KCNIP1: variants seen among roughly 807,000 people sequenced by gnomAD.
KCNIP1 encodes the protein A-type potassium channel modulatory protein KCNIP1.
KCNIP1 carries 18 observed loss-of-function variants against 33.0 expected under a neutral mutation model. That is an observed-to-expected ratio of 0.55 (90% CI 0.38 to 0.81). KCNIP1 has a LOEUF of 0.81. Ranked by LOEUF, KCNIP1 falls within the 30% of genes least tolerant of loss-of-function variation. The probability of loss-of-function intolerance (pLI) is 0.00; values close to 1 mark genes in which losing one functional copy is unlikely to be tolerated. For missense variants in KCNIP1, 238 were observed against 271.6 expected, an observed-to-expected ratio of 0.88 and a Z score of 0.87; for synonymous variants, 93 against 98.3, an observed-to-expected ratio of 0.95 and a Z score of 0.32.
Position 170,418,996 on chromosome 5 carries a change from T to C in KCNIP1, c.88+65032T>C, listed in dbSNP as rs1432708582. Among the ~76,000 whole-genome samples, 3 of 152,270 alleles carry C rather than the reference T, an allele frequency of 2.0e-5. No individual in the cohort carries two copies. In the East Asian group the frequency reaches 5.8e-4, roughly 29 times the overall value. ...AAGACGATATTTTCTTTGAGGGCAG[T>C]AACCTTTCTTATATGTCTCTGTATC... On this transcript the variant is annotated intron_variant, in intron 1 of 7. Coordinates refer to the KCNIP1 transcript ENST00000377360.
chr5:170,496,441 G>A (rs1757312502), intron 1 of KCNIP1, among the ~76,000 whole-genome samples: 1 of 152,160 alleles, frequency 6.6e-6, no homozygotes, highest in African/African-American at 2.4e-5. Flanking sequence ...GTGACTTCAG[G>A]AAGGTTGCTT....
At chr5:170,730,277 A>G (rs1324296183) in intron 5 of KCNIP1, among the ~76,000 whole-genome samples, 1 of 152,228 alleles carries the variant, frequency 6.6e-6, no homozygotes, top group Non-Finnish European at 1.5e-5. Context: ...TCATTATTCC[A>G]TCACTGAATA....
intron 1 of KCNIP1, among the ~76,000 whole-genome samples, chr5:170,460,004 G>T (rs1223491200): frequency 2.0e-5 from 3 of 152,144 alleles, no homozygotes; most frequent in Non-Finnish European, 2.9e-5. Flanking sequence ...TGAAATGGGA[G>T]ACATTGCAAC....
At chr5:170,658,416 A>C (rs962483756) in intron 1 of KCNIP1, among the ~76,000 whole-genome samples, 19 of 152,192 alleles carry the variant, frequency 1.2e-4, no homozygotes, top group African/African-American at 4.3e-4. Flanking sequence ...TAATCCATTA[A>C]TTCATTCACC....
intron 1 of KCNIP1, among the ~76,000 whole-genome samples, chr5:170,664,911 A>C (rs1037559998): frequency 6.6e-6 from 1 of 152,110 alleles, no homozygotes; most frequent in Non-Finnish European, 1.5e-5. Context: ...CCATGGTAAA[A>C]TTTAGTTGAC....
chr5:170,530,520 C>T (rs1755750418), intron 1 of KCNIP1, among the ~76,000 whole-genome samples: 4 of 152,234 alleles, frequency 2.6e-5, no homozygotes, highest in African/African-American at 9.6e-5. Context: ...ATCTGCCTCT[C>T]ATACCCAGGG....
At chr5:170,707,036 C>A (rs1763277825) in intron 1 of KCNIP1, among the ~76,000 whole-genome samples, 2 of 152,070 alleles carry the variant, frequency 1.3e-5, no homozygotes, top group African/African-American at 2.4e-5. Context: ...TCCACTGCCA[C>A]CTGAATTAGA....
chr5:170,602,996 C>T (rs564604906), intron 1 of KCNIP1, among the ~76,000 whole-genome samples: 9 of 152,278 alleles, frequency 5.9e-5, no homozygotes, highest in Middle Eastern at 3.4e-3. Context: ...AGAGAAGTCC[C>T]GGGTGCCCCC....
At chr5:170,450,111 G>T (rs1309099899) in intron 1 of KCNIP1, among the ~76,000 whole-genome samples, 6 of 140,652 alleles carry the variant, frequency 4.3e-5, no homozygotes, top group Non-Finnish European at 9.2e-5. Context: ...AGGATCGCCC[G>T]ACCCCCCACC....
At chr5:170,597,922 G>A (rs534045054) in intron 1 of KCNIP1, among the ~76,000 whole-genome samples, 1 of 151,856 alleles carries the variant, frequency 6.6e-6, no homozygotes, top group South Asian at 2.1e-4. Context: ...CACCGAATCC[G>A]ATTTCAAAAG....
intron 1 of KCNIP1, among the ~76,000 whole-genome samples, chr5:170,611,808 G>A (rs571326315): frequency 1.3e-5 from 2 of 152,344 alleles, no homozygotes; most frequent in African/African-American, 4.8e-5. Context: ...AGGCAGTGGG[G>A]CTGGGAAGGA....
chr5:170,378,619 G>T, intron 1 of KCNIP1: 1 of 1,371,376 alleles, frequency 7.3e-7, no homozygotes, highest in Non-Finnish European at 1.0e-6. Flanking sequence ...GGTGGAGAAG[G>T]CATTGTGCTG....
At chr5:170,676,168 AGAAGGAAGG>A (rs1762132457) in intron 1 of KCNIP1, among the ~76,000 whole-genome samples, 2 of 109,216 alleles carry the variant, frequency 1.8e-5, no homozygotes, top group Non-Finnish European at 3.9e-5. Flanking sequence ...AGGGAGGGAA[AGAAGGAAGG>A]AAAGGAAAGG....
rs557796779 is a variant in KCNIP1 at position 170,621,907 on chromosome 5, C to T, written c.62-96851C>T. ...AGAGATGGAACGACGAAGACCAAAA[C>T]CTCTGTCCTCAAGCTGCTCATAAGC... On this transcript the variant is annotated intron_variant, in intron 1 of 7. Transcript: ENST00000328939. Among the ~76,000 whole-genome samples the T allele has an allele frequency of 7.9e-5, 12 of 152,304 alleles. No individual in the cohort carries two copies. The South Asian group carries it at 2.5e-3, about 32-fold the overall frequency.
In KCNIP1 at chr5:170,718,888, AC is replaced by A. The variant is rs1359370323; in HGVS notation, c.186+9del. Reference sequence around the variant, plus strand: ...TTTATCGAGGCTTCAAAAATGTAAGACCCGTGCACGCTCTGAAGGCCTGGGG... The same window carrying A: ...TTTATCGAGGCTTCAAAAATGTAAGACCGTGCACGCTCTGAAGGCCTGGGG... On this transcript the variant is annotated splice_region_variant and intron_variant, in intron 2 of 7. Transcript: ENST00000328939. The A allele has an allele frequency of 1.2e-6, 2 of 1,607,412 alleles. No individual in the cohort carries two copies. The highest frequency in any genetic ancestry group is 2.7e-5 in the African/African-American group (2 of 74,014).
intron 1 of KCNIP1, among the ~76,000 whole-genome samples, chr5:170,536,418 C>T (rs2113364448): frequency 6.6e-6 from 1 of 152,206 alleles, no homozygotes; most frequent in East Asian, 1.9e-4. Context: ...CGGGCAGAAC[C>T]TTGTCCCACC....
At chr5:170,641,275 T>A (rs1240215808) in intron 1 of KCNIP1, among the ~76,000 whole-genome samples, 1 of 152,200 alleles carries the variant, frequency 6.6e-6, no homozygotes, top group African/African-American at 2.4e-5. Flanking sequence ...CCCAGGCTAT[T>A]GACTTGTTCA....
intron 1 of KCNIP1, among the ~76,000 whole-genome samples, chr5:170,452,947 G>C (rs934491999): frequency 1.3e-5 from 2 of 152,084 alleles, no homozygotes; most frequent in African/African-American, 4.8e-5. Context: ...AAAATGAAGG[G>C]GGAAAAATCT....
At chr5:170,723,218 G>C (rs1052058704) in intron 5 of KCNIP1, among the ~76,000 whole-genome samples, 3 of 152,194 alleles carry the variant, frequency 2.0e-5, no homozygotes, top group Admixed American at 6.5e-5. Context: ...AGATTTTTAA[G>C]GAAGAGGAAC....
Sources: gnomAD v4.1 joint callset for allele counts (sites outside exome capture counted in the v4.1 genomes callset) on GRCh38, gnomAD v4.1.1 for gene constraint, MANE v1.5 for transcripts, NCBI Gene and HGNC (gene_info 2026-07-23, HGNC 2026-07-21) for gene names.